The following ZFHX3 variants were observed in gnomAD, a reference collection of about 807,000 sequenced individuals.
ZFHX3 encodes zinc finger homeobox 3.
In ZFHX3, 42 loss-of-function variants were observed where a neutral mutation model predicts 279.1. That is an observed-to-expected ratio of 0.15 (90% CI 0.12 to 0.19). ZFHX3 has a LOEUF of 0.19. ZFHX3 is among the 10% of genes least tolerant of loss of function. The pLI, the probability that ZFHX3 is intolerant of heterozygous loss-of-function variation, is 1.00. For synonymous variants in ZFHX3, 2,293 were observed against 1,957.8 expected (o/e 1.17, Z -4.52); for missense variants, 4,981 against 4,754.0 (o/e 1.05, Z -1.40).
At chr16:73,635,533 A>C (rs1202096039) in intron 2 of ZFHX3, among the ~76,000 whole-genome samples, 1 of 152,176 alleles carries the variant, frequency 6.6e-6, no homozygotes, top group Non-Finnish European at 1.5e-5. Flanking sequence ...GGTGGGTTGG[A>C]AGTGAAAGAA....
intron 1 of ZFHX3, among the ~76,000 whole-genome samples, chr16:73,847,040 G>A (rs531364720): frequency 4.6e-5 from 7 of 152,258 alleles, no homozygotes; most frequent in Non-Finnish European, 7.4e-5. Context: ...AGTGGCTCAC[G>A]CCTGTAATCC....
chr16:73,630,208 C>A (rs2142145941), intron 2 of ZFHX3, among the ~76,000 whole-genome samples: 1 of 152,240 alleles, frequency 6.6e-6, no homozygotes, highest in Middle Eastern at 3.4e-3. Flanking sequence ...TTGCATTTAA[C>A]AAGAAAATAA....
chr16:73,035,845 A>G (rs1046056234), intron 1 of ZFHX3, among the ~76,000 whole-genome samples: 2 of 152,254 alleles, frequency 1.3e-5, no homozygotes, highest in African/African-American at 4.8e-5. Flanking sequence ...AGGAAGGCAC[A>G]GTGAGCTGAG....
chr16:73,561,251 G>A (rs1388221753), intron 2 of ZFHX3, among the ~76,000 whole-genome samples: 1 of 152,120 alleles, frequency 6.6e-6, no homozygotes, highest in African/African-American at 2.4e-5. Flanking sequence ...GGCAGGTAAC[G>A]TTTTAAGTTT....
exon 1 of ZFHX3, chr16:73,059,034 A>C (rs2144740613): frequency 6.5e-6 from 1 of 154,870 alleles, no homozygotes; most frequent in Admixed American, 6.5e-5. Flanking sequence ...AAAGAAAAAA[A>C]AGTCTTTGGA....
At chr16:73,819,420 C>G (rs937263302) in intron 1 of ZFHX3, among the ~76,000 whole-genome samples, 1 of 151,564 alleles carries the variant, frequency 6.6e-6, no homozygotes, top group African/African-American at 2.4e-5. Flanking sequence ...CTAAAATCTC[C>G]CTTTGTTGAC....
chr16:73,749,549 A>C (rs1370425252), intron 1 of ZFHX3, among the ~76,000 whole-genome samples: 5 of 152,200 alleles, frequency 3.3e-5, no homozygotes, highest in Non-Finnish European at 5.9e-5. Context: ...GTTATTATGA[A>C]GTATTTAAAA....
chr16:73,168,279 CGAG>C (rs1967441262), intron 5 of ZFHX3, among the ~76,000 whole-genome samples: 2 of 143,744 alleles, frequency 1.4e-5, no homozygotes, highest in Admixed American at 7.1e-5. Context: ...TTCTTTCTTT[CGAG>C]ACAAAGTCTC....
intron 2 of ZFHX3, among the ~76,000 whole-genome samples, chr16:73,568,183 T>C (rs2020476532): frequency 1.3e-5 from 2 of 152,218 alleles, no homozygotes; most frequent in Admixed American, 6.5e-5. Context: ...CCTTTACGTT[T>C]GTTTTCTTAG....
chr16:72,850,850 G>C (rs900465170), intron 4 of ZFHX3, among the ~76,000 whole-genome samples: 3 of 152,124 alleles, frequency 2.0e-5, no homozygotes, highest in East Asian at 3.9e-4. Context: ...AATGATGCTA[G>C]AGCTATTAAT....
intron 3 of ZFHX3, among the ~76,000 whole-genome samples, chr16:72,940,098 G>C (rs1389882580): frequency 1.3e-5 from 2 of 151,986 alleles, no homozygotes; most frequent in African/African-American, 2.4e-5. Context: ...TTTTTATAGA[G>C]ACAGGGTCTG....
chr16:73,697,090 G>C (rs983442806), intron 1 of ZFHX3, among the ~76,000 whole-genome samples: 8 of 152,102 alleles, frequency 5.3e-5, no homozygotes, highest in Non-Finnish European at 1.0e-4. Flanking sequence ...TAGAAATGCA[G>C]AATGGAAAAA....
intron 1 of ZFHX3, among the ~76,000 whole-genome samples, chr16:73,798,582 GAC>G (rs10531772): frequency 0.39 from 58,045 of 150,624 alleles, 11,695 homozygotes; most frequent in African/African-American, 0.53. Context: ...CACACACACA[GAC>G]ACACACACAC....
rs1157134769 is a variant in ZFHX3, at chr16:72,958,935, C to T, written c.1211G>A (p.Gly404Asp). The change falls in exon 2 of 10, where the codon GGC becomes GAC. Residue 404 changes from glycine (G) to aspartate (D), a missense_variant. Transcript: ENST00000268489. Reference protein sequence around the residue: ...LLTPSTLLNLGGLTSSVLKTP... With the variant: ...LLTPSTLLNLDGLTSSVLKTP... Reference sequence around the variant, plus strand: ...CTTCAGTACCGAGCTGGTGAGCCCGCCAAGGTTCAACAGGGTGCTGGGGGT... The same window carrying T: ...CTTCAGTACCGAGCTGGTGAGCCCGTCAAGGTTCAACAGGGTGCTGGGGGT... 1.3e-6 allele frequency: 2 copies of T among 1,598,822 alleles called. No homozygotes were observed. The highest frequency in any genetic ancestry group is 8.5e-7 in the Non-Finnish European group (1 of 1,172,220).
At chr16:72,841,566 A>G (rs529579527) in intron 4 of ZFHX3, among the ~76,000 whole-genome samples, 1 of 152,304 alleles carries the variant, frequency 6.6e-6, no homozygotes, top group African/African-American at 2.4e-5. Flanking sequence ...GATCCTGTAC[A>G]ATGAAACGGT....
intron 4 of ZFHX3, among the ~76,000 whole-genome samples, chr16:73,310,095 G>C (rs1430448317): frequency 3.4e-4 from 52 of 151,890 alleles, no homozygotes; most frequent in Admixed American, 3.4e-3. Flanking sequence ...TTTTAGTAGA[G>C]ACAGGGTTTC....
At chr16:73,864,477 G>A (rs929191467) in intron 1 of ZFHX3, among the ~76,000 whole-genome samples, 1 of 152,198 alleles carries the variant, frequency 6.6e-6, no homozygotes, top group East Asian at 1.9e-4. Context: ...CCAGCACTTC[G>A]GGAGGCTGAG....
intron 2 of ZFHX3, among the ~76,000 whole-genome samples, chr16:73,510,759 A>G (rs1336976322): frequency 1.3e-5 from 2 of 152,096 alleles, no homozygotes; most frequent in South Asian, 2.1e-4. Flanking sequence ...TTTTTCTTTC[A>G]CCTCTTGTTC....
At chr16:73,631,898 T>TTCTCTCTCTCTCTCTC (rs139812596) in intron 2 of ZFHX3, among the ~76,000 whole-genome samples, 20 of 130,096 alleles carry the variant, frequency 1.5e-4, no homozygotes, top group South Asian at 7.9e-4. Context: ...TAGAGTGGGA[T>TTCTCTCTCTCTCTCTC]TCTCTCTCTC....
Sources: allele counts gnomAD v4.1 joint callset (sites outside exome capture counted in the v4.1 genomes callset), GRCh38; gene constraint gnomAD v4.1.1; transcripts MANE v1.5; gene names NCBI Gene and HGNC (gene_info 2026-07-23, HGNC 2026-07-21).